The following CAST variants were observed in gnomAD, a reference collection of about 807,000 sequenced individuals.
CAST encodes the protein calpastatin.
In CAST, 76 loss-of-function variants were observed where a neutral mutation model predicts 119.6. The ratio of observed to expected loss-of-function variants is 0.64; its 90% CI spans 0.53 to 0.77. The LOEUF (loss-of-function observed/expected upper bound fraction) is 0.77. Among genes scored for constraint, CAST ranks in the 30% least tolerant of loss-of-function variants. The pLI, the probability that CAST is intolerant of heterozygous loss-of-function variation, is 0.00. For missense variants in CAST, 953 were observed against 946.5 expected (o/e 1.01, Z -0.09); for synonymous variants, 319 against 331.6 (o/e 0.96, Z 0.41).
At chr5:96,039,665 C>T in the CAST span, among the ~76,000 whole-genome samples, 20 of 152,210 alleles carry the variant, frequency 1.3e-4, no homozygotes, top group African/African-American at 4.1e-4. Flanking sequence ...TCAAGTTTGT[C>T]AAAGATCAGA....
At chr5:96,763,330 C>T in intron 25 of CAST, 1 of 766,778 alleles carries the variant, frequency 1.3e-6, no homozygotes, top group Admixed American at 1.7e-5. Context: ...CACTTAAAAC[C>T]AGTAAAATGC....
intron 1 of CAST, among the ~76,000 whole-genome samples, chr5:96,671,195 T>C (rs747993502): frequency 6.6e-6 from 1 of 152,174 alleles, no homozygotes; most frequent in Non-Finnish European, 1.5e-5. Flanking sequence ...ACCTTCATCT[T>C]AGCCCCCATC....
intron 16 of CAST, chr5:96,743,648 A>G (rs1193713511): frequency 6.2e-7 from 1 of 1,613,088 alleles, no homozygotes; most frequent in Non-Finnish European, 8.5e-7. Context: ...TCTATCTTCG[A>G]CTTTCTTGGA....
chr5:96,436,400 A>C, the CAST span, among the ~76,000 whole-genome samples: 28 of 152,216 alleles, frequency 1.8e-4, no homozygotes, highest in Non-Finnish European at 8.8e-5. Context: ...AATACATTAA[A>C]TTGCATATTA....
chr5:96,306,049 A>G, the CAST span, among the ~76,000 whole-genome samples: 1 of 152,194 alleles, frequency 6.6e-6, no homozygotes, highest in Non-Finnish European at 1.5e-5. Context: ...TACCTCTGTT[A>G]GAATTTGGCT....
chr5:96,212,103 A>T, the CAST span, among the ~76,000 whole-genome samples: 1 of 151,058 alleles, frequency 6.6e-6, no homozygotes, highest in South Asian at 2.1e-4. Context: ...GATTTTTTGT[A>T]TTGTTTTTCT....
At chr5:96,588,898 G>T (rs934820997) in intron 1 of CAST, among the ~76,000 whole-genome samples, 1 of 152,142 alleles carries the variant, frequency 6.6e-6, no homozygotes, top group African/African-American at 2.4e-5. Context: ...GAAGAAGACT[G>T]CCATATATTG....
At chr5:96,371,545 G>A in the CAST span, among the ~76,000 whole-genome samples, 1 of 152,144 alleles carries the variant, frequency 6.6e-6, no homozygotes, top group Non-Finnish European at 1.5e-5. Context: ...AACGCTCAAG[G>A]TGCAAAATTA....
At chr5:96,329,220 G>A in the CAST span, among the ~76,000 whole-genome samples, 2 of 152,174 alleles carry the variant, frequency 1.3e-5, no homozygotes, top group Non-Finnish European at 1.5e-5. Context: ...CCTCACTTTT[G>A]CACCAGGAAG....
the CAST span, among the ~76,000 whole-genome samples, chr5:96,085,108 G>A: frequency 6.6e-6 from 1 of 152,150 alleles, no homozygotes; most frequent in Non-Finnish European, 1.5e-5. Context: ...CTCTGATGAA[G>A]TCATCTCCTG....
At chr5:96,306,944 G>A in the CAST span, among the ~76,000 whole-genome samples, 23 of 152,328 alleles carry the variant, frequency 1.5e-4, no homozygotes, top group Admixed American at 9.1e-4. Context: ...GGCATGGAGA[G>A]TTCTGTAGAT....
the CAST span, among the ~76,000 whole-genome samples, chr5:96,151,965 A>G: frequency 6.6e-6 from 1 of 152,190 alleles, no homozygotes; most frequent in Non-Finnish European, 1.5e-5. Flanking sequence ...CATGACCAGC[A>G]GCCTCTCCTA....
the CAST span, among the ~76,000 whole-genome samples, chr5:96,024,058 A>G: frequency 6.6e-6 from 1 of 152,214 alleles, no homozygotes; most frequent in Admixed American, 6.5e-5. Flanking sequence ...ATGGAGGCAA[A>G]ATATTTACTA....
the CAST span, among the ~76,000 whole-genome samples, chr5:96,102,401 C>T: frequency 6.6e-6 from 1 of 152,162 alleles, no homozygotes; most frequent in East Asian, 1.9e-4. Context: ...AAGTCACCTC[C>T]AGTCGAGCCA....
At chr5:95,984,410 G>A in the CAST span, among the ~76,000 whole-genome samples, 1 of 152,248 alleles carries the variant, frequency 6.6e-6, no homozygotes, top group Middle Eastern at 3.4e-3. Flanking sequence ...TTGATTAACA[G>A]TGATACTCTA....
chr5:96,458,160 GA>G, the CAST span, among the ~76,000 whole-genome samples: 2 of 151,692 alleles, frequency 1.3e-5, no homozygotes, highest in Admixed American at 6.6e-5. Flanking sequence ...TAAAATAGTT[GA>G]AAAAAAATGA....
intron 2 of CAST, among the ~76,000 whole-genome samples, chr5:96,693,226 G>A (rs1316814036): frequency 6.6e-6 from 1 of 152,164 alleles, no homozygotes; most frequent in Non-Finnish European, 1.5e-5. Context: ...GTCTTTAGGG[G>A]AACAGATCAT....
the CAST span, among the ~76,000 whole-genome samples, chr5:95,963,635 CA>C: frequency 6.6e-6 from 1 of 151,980 alleles, no homozygotes; most frequent in South Asian, 2.1e-4. Flanking sequence ...CTCCGCTTTC[CA>C]AAAGTAGAAA....
At chr5:96,148,320 G>C in the CAST span, among the ~76,000 whole-genome samples, 1 of 152,120 alleles carries the variant, frequency 6.6e-6, no homozygotes, top group Non-Finnish European at 1.5e-5. Context: ...ATGCTTGATT[G>C]GTAGCAGTCA....
Sources: gnomAD v4.1 joint callset for allele counts (sites outside exome capture counted in the v4.1 genomes callset) on GRCh38, gnomAD v4.1.1 for gene constraint, MANE v1.5 for transcripts, NCBI Gene and HGNC (gene_info 2026-07-23, HGNC 2026-07-21) for gene names.